Variants in BIRC6 observed in about 807,000 individuals in gnomAD.
BIRC6 encodes the protein baculoviral IAP repeat containing 6.
In BIRC6, 98 loss-of-function variants were observed where a neutral mutation model predicts 503.3. The ratio of observed to expected loss-of-function variants is 0.19; its 90% CI spans 0.17 to 0.23. The LOEUF (loss-of-function observed/expected upper bound fraction) is 0.23. BIRC6 is among the 10% of genes least tolerant of loss of function. The probability of loss-of-function intolerance (pLI) is 1.00; values close to 1 mark genes in which losing one functional copy is unlikely to be tolerated. For synonymous variants in BIRC6, 2,240 were observed against 2,078.7 expected (o/e 1.08, Z -2.11); for missense variants, 5,360 against 5,806.0 (o/e 0.92, Z 2.50).
At chr2:32,512,525 T>G (rs999793026) in intron 53 of BIRC6, among the ~76,000 whole-genome samples, 2 of 152,158 alleles carry the variant, frequency 1.3e-5, no homozygotes, top group African/African-American at 4.8e-5. Context: ...ATAAAAATTA[T>G]ACTTAAAAAA....
intron 61 of BIRC6, among the ~76,000 whole-genome samples, chr2:32,535,026 G>A (rs532017349): frequency 5.9e-4 from 90 of 151,522 alleles, no homozygotes; most frequent in Non-Finnish European, 7.1e-4. Context: ...AACAAAGACA[G>A]CTGGCCACTG....
chr2:32,417,902 C>G (rs1271999528), intron 10 of BIRC6, among the ~76,000 whole-genome samples: 1 of 152,192 alleles, frequency 6.6e-6, no homozygotes, highest in East Asian at 1.9e-4. Context: ...GCCTTAGCCT[C>G]CTGAGTAGCT....
chr2:32,617,744 G>C lies in BIRC6; in HGVS notation c.14414G>C (p.Arg4805Pro). ...GCATAGCGTCACACTGCTCAGCTCCGCGAAGAGTTGCTGAAACTTCCCTGC... is the reference window on the plus strand; with the variant it reads ...GCATAGCGTCACACTGCTCAGCTCCCCGAAGAGTTGCTGAAACTTCCCTGC... The part of the protein sequence containing the change: ...AALKRHTAQL[R>P]EELLKLPCPE... The change falls in exon 74 of 74, where the codon CGC becomes CCC. Residue 4805 changes from arginine to proline, a missense_variant. By Grantham distance (103) the Arg-to-Pro change is moderately radical. Coordinates refer to ENST00000421745, the MANE Select transcript of BIRC6 (RefSeq NM_016252.4). 6.2e-7 allele frequency: 1 copy of C among 1,613,868 alleles called. No homozygotes were observed. The highest frequency in any genetic ancestry group is 8.5e-7 in the Non-Finnish European group (1 of 1,179,846).
At chr2:32,596,357 G>A (rs1173490456) in intron 68 of BIRC6, among the ~76,000 whole-genome samples, 2 of 151,138 alleles carry the variant, frequency 1.3e-5, no homozygotes, top group Admixed American at 6.7e-5. Context: ...GCAGGCGCCT[G>A]TAACCCCAGC....
intron 10 of BIRC6, among the ~76,000 whole-genome samples, chr2:32,425,980 C>T (rs2043445967): frequency 6.6e-6 from 1 of 152,198 alleles, no homozygotes; most frequent in Non-Finnish European, 1.5e-5. Flanking sequence ...ACCCTCTTAC[C>T]AGAAATCAGT....
chr2:32,404,033 T>G (rs2040901303), intron 8 of BIRC6, among the ~76,000 whole-genome samples: 1 of 151,680 alleles, frequency 6.6e-6, no homozygotes, highest in Non-Finnish European at 1.5e-5. Context: ...GTTCAAATGA[T>G]TTTTCTGCCT....
chr2:32,549,318 T>A lies in BIRC6; in HGVS notation c.12981T>A (p.Leu4327=). ...TTAATTTCAACAATTTTTAGGTTCTTGCCAGTTACATAAATCCCGTCAGTA... is the reference window on the plus strand; with the variant it reads ...TTAATTTCAACAATTTTTAGGTTCTAGCCAGTTACATAAATCCCGTCAGTA... ...EEHVTCLLQV[L]ASYINPVSSA... is the part of the protein sequence containing the mutation. The change falls in exon 65 of 74, where the codon CTT becomes CTA. Residue 4327 remains leucine, a synonymous_variant. Transcript: ENST00000421745. The A allele has an allele frequency of 6.9e-7, 1 of 1,449,414 alleles. No homozygotes were observed. Among genetic ancestry groups the A allele is most frequent in the Non-Finnish European group, 9.2e-7 (1 of 1,082,916 alleles). 89.8% of individuals were successfully genotyped at this position (1,449,414 alleles called of 1,614,324 possible).
intron 57 of BIRC6, among the ~76,000 whole-genome samples, chr2:32,520,359 A>G (rs933165524): frequency 3.9e-5 from 6 of 152,348 alleles, no homozygotes; most frequent in South Asian, 2.1e-4. Flanking sequence ...AACTTATACA[A>G]TAGGTTGTTA....
chr2:32,592,132 T>G (rs1410506354), intron 66 of BIRC6, among the ~76,000 whole-genome samples: 2 of 152,190 alleles, frequency 1.3e-5, no homozygotes, highest in African/African-American at 4.8e-5. Context: ...TCCTTATATA[T>G]GCAAAAACAT....
At chr2:32,450,055 G>A (rs2046511730) in intron 22 of BIRC6, among the ~76,000 whole-genome samples, 1 of 152,160 alleles carries the variant, frequency 6.6e-6, no homozygotes, top group Non-Finnish European at 1.5e-5. Flanking sequence ...AATGCCTTCA[G>A]TATACCAAAA....
chr2:32,506,747 A>G (rs898328518), intron 50 of BIRC6, among the ~76,000 whole-genome samples: 1 of 152,238 alleles, frequency 6.6e-6, no homozygotes, highest in African/African-American at 2.4e-5. Context: ...ATATGTTGTG[A>G]TACAGTGGAA....
chr2:32,558,194 C>T (rs945464703), intron 65 of BIRC6, among the ~76,000 whole-genome samples: 7 of 151,806 alleles, frequency 4.6e-5, no homozygotes, highest in Admixed American at 1.3e-4. Context: ...GCTGAAGAGC[C>T]GAAAATATAA....
At chr2:32,386,221 A>G (rs1013819842) in intron 3 of BIRC6, among the ~76,000 whole-genome samples, 1 of 152,190 alleles carries the variant, frequency 6.6e-6, no homozygotes, top group Non-Finnish European at 1.5e-5. Flanking sequence ...AGTCCTTAAA[A>G]GTAAAGATAG....
chr2:32,511,476 A>ATTTTTTTTTTTTT (rs1166383796), intron 53 of BIRC6, among the ~76,000 whole-genome samples: 7 of 80,162 alleles, frequency 8.7e-5, no homozygotes, highest in Non-Finnish European at 1.5e-4. Flanking sequence ...TAACTGACTA[A>ATTTTTTTTTTTTT]TTTTTTTTTT....
intron 9 of BIRC6, among the ~76,000 whole-genome samples, chr2:32,413,642 C>T (rs1233678609): frequency 6.7e-6 from 1 of 150,104 alleles, no homozygotes. Flanking sequence ...TTTTGAGTCC[C>T]TTGAATACCT....
At chr2:32,616,307 C>T (rs1192795998) in intron 73 of BIRC6, among the ~76,000 whole-genome samples, 1 of 151,954 alleles carries the variant, frequency 6.6e-6, no homozygotes, top group Non-Finnish European at 1.5e-5. Flanking sequence ...CCTGTAATCC[C>T]AGCACTTTGG....
At chr2:32,365,820 A>G (rs1000735242) in intron 1 of BIRC6, among the ~76,000 whole-genome samples, 1 of 152,128 alleles carries the variant, frequency 6.6e-6, no homozygotes, top group African/African-American at 2.4e-5. Context: ...TTGAGAAAAT[A>G]TTGTAAAAAC....
chr2:32,489,793 C>G (rs1471161430), intron 42 of BIRC6, among the ~76,000 whole-genome samples: 1 of 152,112 alleles, frequency 6.6e-6, no homozygotes. Flanking sequence ...GTACAACATA[C>G]TGAGAGTGAT....
chr2:32,441,182 A>C, intron 16 of BIRC6, 147 bp from the exon 17 acceptor site: 1 of 604,500 alleles, frequency 1.7e-6, no homozygotes, highest in Non-Finnish European at 2.8e-6. Flanking sequence ...CATTTACTGA[A>C]TATGAGGGTA....
Sources: allele counts gnomAD v4.1 joint callset (sites outside exome capture counted in the v4.1 genomes callset), GRCh38; gene constraint gnomAD v4.1.1; transcripts MANE v1.5; gene names NCBI Gene and HGNC (gene_info 2026-07-23, HGNC 2026-07-21).